ABCB4: variants seen among roughly 807,000 people sequenced by gnomAD.
ABCB4 encodes ATP binding cassette subfamily B member 4.
A neutral mutation model predicts 145.7 loss-of-function variants in ABCB4; 76 were observed. The ratio of observed to expected loss-of-function variants is 0.52; its 90% CI spans 0.43 to 0.63. ABCB4 has a LOEUF of 0.63. ABCB4 is among the 30% of genes least tolerant of loss of function. The pLI is 0.00. For synonymous variants in ABCB4, 517 were observed against 566.8 expected, an observed-to-expected ratio of 0.91 and a Z score of 1.25; for missense variants, 1,234 against 1,553.1, an observed-to-expected ratio of 0.79 and a Z score of 3.45.
intron 4 of ABCB4, among the ~76,000 whole-genome samples, chr7:87,457,542 A>G (rs1053343460): frequency 2.0e-5 from 3 of 152,244 alleles, no homozygotes; most frequent in Admixed American, 1.3e-4. Flanking sequence ...GAGAGTACCT[A>G]TATAACCTAT....
intron 4 of ABCB4, among the ~76,000 whole-genome samples, chr7:87,461,615 G>A (rs180687636): frequency 8.4e-4 from 128 of 152,132 alleles, no homozygotes; most frequent in African/African-American, 3.0e-3. Context: ...CACCATTATT[G>A]TTATTTTTAT....
At chr7:87,387,887 G>A in the ABCB4 span, among the ~76,000 whole-genome samples, 1 of 152,218 alleles carries the variant, frequency 6.6e-6, no homozygotes, top group Non-Finnish European at 1.5e-5. Context: ...AGGAGGTAGA[G>A]GTTGCAGTGA....
intron 17 of ABCB4, 46 bp from the exon 18 acceptor site, chr7:87,422,271 C>T: frequency 2.2e-6 from 3 of 1,392,800 alleles, no homozygotes; most frequent in Non-Finnish European, 2.0e-6. Context: ...CATAACTGAT[C>T]CTTCTTCATT....
Position 87,407,198 on chromosome 7 carries a change from G to A in ABCB4, c.3280-704C>T, listed in dbSNP as rs573608159. ...TGTAAGGTAAAGCTTACAGGCAAAGGAATAGACACAAGTCCAGCTAGTCTT... is the reference window on the plus strand; with the variant it reads ...TGTAAGGTAAAGCTTACAGGCAAAGAAATAGACACAAGTCCAGCTAGTCTT... On this transcript the variant is annotated intron_variant, in intron 25 of 27. Coordinates refer to ENST00000649586, the MANE Select transcript of ABCB4 (RefSeq NM_000443.4). Among the ~76,000 whole-genome samples, 8 of 152,254 alleles carry A rather than the reference G, an allele frequency of 5.3e-5. No individual in the cohort carries two copies. In the South Asian group the frequency reaches 1.7e-3, roughly 32 times the overall value.
chr7:87,473,630 G>A (rs1813594390), intron 2 of ABCB4, among the ~76,000 whole-genome samples: 1 of 151,886 alleles, frequency 6.6e-6, no homozygotes, highest in African/African-American at 2.4e-5. Context: ...TTTTTCCATG[G>A]CGTTAATTAC....
the ABCB4 span, chr7:87,376,026 GT>G: frequency 3.5e-6 from 5 of 1,418,466 alleles, no homozygotes; most frequent in African/African-American, 2.9e-5. Context: ...GAACATGGAA[GT>G]TTTTTTTCTT....
chr7:87,418,155 G>A (rs1809128013), intron 20 of ABCB4, among the ~76,000 whole-genome samples: 1 of 152,252 alleles, frequency 6.6e-6, no homozygotes, highest in South Asian at 2.1e-4. Flanking sequence ...GGTGGGGCAT[G>A]TGACCCAAAT....
chr7:87,398,930 C>T (rs981304914), downstream of ABCB4: 7 of 306,512 alleles, frequency 2.3e-5, no homozygotes, highest in Non-Finnish European at 4.2e-5. Flanking sequence ...AATCTACAAA[C>T]TTTAACAATG....
At chr7:87,387,307 A>G in the ABCB4 span, among the ~76,000 whole-genome samples, 1 of 152,040 alleles carries the variant, frequency 6.6e-6, no homozygotes, top group East Asian at 1.9e-4. Flanking sequence ...TGTTATTTAG[A>G]TAATTAAATT....
In ABCB4 at chr7:87,450,540, G is replaced by A. The variant is rs192637036; in HGVS notation, c.709-448C>T. On this transcript the variant is annotated intron_variant, in intron 7 of 27. Coordinates refer to ENST00000649586, the MANE Select transcript of ABCB4 (RefSeq NM_000443.4). ...GACTGGAGTGCAGTGGCACGATCTC[G>A]GCTCACTGTAACCTCTGCCTCCCAG... is the stretch of plus-strand genomic sequence containing the variant. Among the ~76,000 whole-genome samples, 600 of 144,740 alleles carry A rather than the reference G, an allele frequency of 4.1e-3. 3 individuals carry two copies. The highest frequency in any genetic ancestry group is 0.015 in the African/African-American group (569 of 37,792). 95.0% of individuals were successfully genotyped at this position (144,740 alleles called of 152,430 possible).
chr7:87,374,611 G>A, the ABCB4 span, among the ~76,000 whole-genome samples: 1 of 152,092 alleles, frequency 6.6e-6, no homozygotes, highest in South Asian at 2.1e-4. Context: ...GGCAAAGCAA[G>A]TTGCTCTGCT....
chr7:87,404,484 G>C (rs1808039474), intron 26 of ABCB4, among the ~76,000 whole-genome samples: 1 of 152,130 alleles, frequency 6.6e-6, no homozygotes, highest in Admixed American at 6.5e-5. Flanking sequence ...GACACTGAAA[G>C]CATAATCCAT....
At chr7:87,401,519 A>T (rs988816297), downstream of ABCB4, among the ~76,000 whole-genome samples, 9 of 152,168 alleles carry the variant, frequency 5.9e-5, no homozygotes, top group African/African-American at 1.9e-4. Context: ...TTAAAACTTT[A>T]AAAAAATACT....
the ABCB4 span, among the ~76,000 whole-genome samples, chr7:87,387,728 G>A: frequency 6.6e-6 from 1 of 152,182 alleles, no homozygotes; most frequent in South Asian, 2.1e-4. Flanking sequence ...GAGGCAGGCA[G>A]ATCACTTGAG....
At chr7:87,467,124 G>C (rs1812961414) in intron 3 of ABCB4, among the ~76,000 whole-genome samples, 1 of 151,872 alleles carries the variant, frequency 6.6e-6, no homozygotes, top group African/African-American at 2.4e-5. Context: ...AAAGAGTCAA[G>C]ACCCATCAGT....
At chr7:87,386,235 A>T in the ABCB4 span, among the ~76,000 whole-genome samples, 3 of 152,144 alleles carry the variant, frequency 2.0e-5, no homozygotes, top group Non-Finnish European at 4.4e-5. Context: ...GTTTGAGTAT[A>T]ATTGGTATTA....
At chr7:87,452,760 G>C in intron 6 of ABCB4, 184 bp downstream of exon 6, 1 of 694,098 alleles carries the variant, frequency 1.4e-6, no homozygotes, top group Non-Finnish European at 2.4e-6. Context: ...ATGCACCTTG[G>C]GGGAAAGCCA....
the ABCB4 span, among the ~76,000 whole-genome samples, chr7:87,393,985 A>G: frequency 6.6e-6 from 1 of 152,216 alleles, no homozygotes; most frequent in Non-Finnish European, 1.5e-5. Context: ...TACAGATACT[A>G]GTCTATTTCA....
the ABCB4 span, among the ~76,000 whole-genome samples, chr7:87,370,641 T>C: frequency 6.6e-6 from 1 of 152,258 alleles, no homozygotes; most frequent in Non-Finnish European, 1.5e-5. Context: ...AATATTCATG[T>C]AACCTGCACC....
Sources: allele counts gnomAD v4.1 joint callset (sites outside exome capture counted in the v4.1 genomes callset), GRCh38; gene constraint gnomAD v4.1.1; transcripts MANE v1.5; gene names NCBI Gene and HGNC (gene_info 2026-07-23, HGNC 2026-07-21).